Variants in PPP1R1C observed in about 807,000 individuals in gnomAD.
PPP1R1C encodes protein phosphatase 1 regulatory subunit 1C.
A neutral mutation model predicts 17.4 loss-of-function variants in PPP1R1C; 15 were observed. That is an observed-to-expected ratio of 0.86 (90% CI 0.58 to 1.33). The LOEUF is 1.33. PPP1R1C is among the 40% of genes most tolerant of loss of function. The probability of loss-of-function intolerance (pLI) is 0.00; values close to 1 mark genes in which losing one functional copy is unlikely to be tolerated. For missense variants in PPP1R1C, 143 were observed against 130.0 expected (o/e 1.10, Z -0.48); for synonymous variants, 35 against 43.1 (o/e 0.81, Z 0.73).
rs541242622 is a variant in PPP1R1C at position 182,117,209 on chromosome 2, G to A, written c.244G>A (p.Val82Ile). The stretch of plus-strand genomic sequence containing the variant: ...TTGCATAATTTTTATAATTTCAGGG[G>A]TTAAGCATCTGAAAGGCCAGAATGA... ...SVYTPPTIKG[V>I]KHLKGQNESA... is the part of the protein sequence containing the mutation. The change falls in exon 5 of 5, where the codon GTT becomes ATT. Residue 82 changes from valine to isoleucine, a missense_variant and splice_region_variant. By Grantham distance (29) the Val-to-Ile change is conservative. Coordinates refer to ENST00000682840, the MANE Select transcript of PPP1R1C (RefSeq NM_001080545.3). 1.9e-4 allele frequency: 300 copies of A among 1,544,180 alleles called. 3 individuals carry two copies. The South Asian group carries it at 3.0e-3, about 16-fold the overall frequency.
At chr2:182,092,283 C>G (rs932648184) in intron 4 of PPP1R1C, among the ~76,000 whole-genome samples, 38 of 152,190 alleles carry the variant, frequency 2.5e-4, no homozygotes, top group African/African-American at 9.2e-4. Context: ...ATCTGTGAGA[C>G]CCATTCATAA....
At position 181,976,974 on chromosome 2, in the gene PPP1R1C, C is replaced by T. The variant is rs1310357052; in HGVS notation, n.157+1710C>T. Among the ~76,000 whole-genome samples, 1 of 151,304 alleles carries T rather than the reference C, an allele frequency of 6.6e-6. No individual in the cohort carries two copies. The highest frequency in any genetic ancestry group is 1.5e-5 in the Non-Finnish European group (1 of 67,792). On this transcript the variant is annotated intron_variant and non_coding_transcript_variant, in intron 2 of 5. Transcript: ENST00000464264. This position sits in a 1 kb window ranked among gnomAD's most constrained non-coding sequence, Gnocchi z 4.8. ...GCAACATAGCGAGACCCTGTCTCTA[C>T]TAAAAATACAAAAATTAGCTTGGCA...
At chr2:182,050,647 T>C (rs1292140252) in intron 2 of PPP1R1C, among the ~76,000 whole-genome samples, 1 of 152,204 alleles carries the variant, frequency 6.6e-6, no homozygotes, top group Non-Finnish European at 1.5e-5. Context: ...GCCTTGCCTA[T>C]TTATTTGATT....
chr2:182,113,016 T>G (rs1019901084), intron 4 of PPP1R1C, among the ~76,000 whole-genome samples: 1 of 152,198 alleles, frequency 6.6e-6, no homozygotes, highest in Non-Finnish European at 1.5e-5. Context: ...TTTTCAATAG[T>G]ACAGAATATT....
At chr2:181,970,814 C>T (rs1355364673) in intron 1 of PPP1R1C, among the ~76,000 whole-genome samples, 2 of 152,174 alleles carry the variant, frequency 1.3e-5, no homozygotes, top group African/African-American at 4.8e-5. Flanking sequence ...TCTTCCATCT[C>T]CTTTCCACAA....
intron 2 of PPP1R1C, among the ~76,000 whole-genome samples, chr2:182,019,057 A>G (rs552070638): frequency 6.6e-5 from 10 of 152,330 alleles, no homozygotes; most frequent in South Asian, 4.1e-4. Context: ...GCAACATTAC[A>G]TTACTGAGAT....
intron 1 of PPP1R1C, among the ~76,000 whole-genome samples, chr2:181,966,972 G>A (rs746664201): frequency 1.3e-5 from 2 of 152,084 alleles, no homozygotes; most frequent in South Asian, 4.1e-4. Flanking sequence ...TTTTATTATA[G>A]CATTGATCTT....
chr2:182,099,994 A>G (rs1299142477), intron 4 of PPP1R1C, among the ~76,000 whole-genome samples: 1 of 152,210 alleles, frequency 6.6e-6, no homozygotes, highest in Non-Finnish European at 1.5e-5. Context: ...TAACAAAAAA[A>G]AAGTCCCAAA....
At chr2:182,045,690 TA>T (rs1398433989) in intron 2 of PPP1R1C, among the ~76,000 whole-genome samples, 2 of 152,150 alleles carry the variant, frequency 1.3e-5, no homozygotes, top group Non-Finnish European at 2.9e-5. Flanking sequence ...ATAATAGTGA[TA>T]CTCAGATACA....
chr2:182,119,086 G>A (rs1418121593), downstream of PPP1R1C, among the ~76,000 whole-genome samples: 1 of 151,734 alleles, frequency 6.6e-6, no homozygotes, highest in Non-Finnish European at 1.5e-5. Context: ...CCCGGTGTGT[G>A]ATGTTCCCCT....
At chr2:182,015,113 G>T (rs1054961324) in intron 2 of PPP1R1C, among the ~76,000 whole-genome samples, 1 of 152,178 alleles carries the variant, frequency 6.6e-6, no homozygotes, top group Admixed American at 6.5e-5. Context: ...TCTTCTAGCA[G>T]AAGGAGTCCG....
rs1231084698 is a variant in PPP1R1C, at chr2:182,091,485, T to A, written c.242-25722T>A. ...ACAGCTGTTTTTCTTAAAAAAAAAATAATAAAAAAAAAAGGTAAATACACT... is the reference window on the plus strand; with the variant it reads ...ACAGCTGTTTTTCTTAAAAAAAAAAAAATAAAAAAAAAAGGTAAATACACT... On this transcript the variant is annotated intron_variant, in intron 4 of 4. Transcript: ENST00000682840. Among the ~76,000 whole-genome samples the A allele has an allele frequency of 1.1e-3, 133 of 121,998 alleles. 1 individual carries two copies. Among genetic ancestry groups the A allele is most frequent in the African/African-American group, 3.3e-3 (113 of 33,786 alleles). The allele number at this position is 121,998 out of a possible 152,430, so 80.0% of individuals were successfully genotyped here. A position where few individuals can be genotyped will look rare whatever the true frequency, so the allele number is the denominator to read the frequency against.
At chr2:181,980,125 CTG>C (rs372055213) in intron 2 of PPP1R1C, among the ~76,000 whole-genome samples, 1 of 152,208 alleles carries the variant, frequency 6.6e-6, no homozygotes, top group East Asian at 1.9e-4. Flanking sequence ...GTTTGTATCA[CTG>C]TGTCTGTCAT....
At chr2:182,119,891 G>T (rs1689689217), downstream of PPP1R1C, among the ~76,000 whole-genome samples, 1 of 152,150 alleles carries the variant, frequency 6.6e-6, no homozygotes, top group African/African-American at 2.4e-5. Flanking sequence ...CTTTCGCTGT[G>T]CAGAAGGTCT....
chr2:182,110,931 A>G (rs1015738009), intron 4 of PPP1R1C, among the ~76,000 whole-genome samples: 4 of 152,078 alleles, frequency 2.6e-5, no homozygotes, highest in Non-Finnish European at 4.4e-5. Flanking sequence ...AATGGGCACT[A>G]GAGGGGCACA....
At chr2:181,975,392 C>A (rs1278703078) in intron 2 of PPP1R1C, 1 of 151,862 alleles carries the variant, frequency 6.6e-6, no homozygotes, top group Non-Finnish European at 1.5e-5. Context: ...ATATTTTGAA[C>A]ATTTCCTCTG....
At chr2:182,106,264 A>G (rs936046644) in intron 4 of PPP1R1C, among the ~76,000 whole-genome samples, 7 of 152,146 alleles carry the variant, frequency 4.6e-5, no homozygotes, top group Admixed American at 1.3e-4. Flanking sequence ...TCAAGCCCCA[A>G]TGTTGCATTT....
At position 182,002,936 on chromosome 2, in the gene PPP1R1C, C is replaced by T. The variant is rs181830916; in HGVS notation, c.142+15037C>T. Among the ~76,000 whole-genome samples, 105 of 135,626 alleles carry T rather than the reference C, an allele frequency of 7.7e-4. 6 individuals carry two copies. Among genetic ancestry groups the T allele is most frequent in the Non-Finnish European group, 3.0e-4 (19 of 62,712 alleles). 89.0% of individuals were successfully genotyped at this position (135,626 alleles called of 152,430 possible). A position where few individuals can be genotyped will look rare whatever the true frequency, so the allele number is the denominator to read the frequency against. ...AAGAGTGATGCCATAAACCTCCCCC[C>T]CCCCACAACCCTGAAATCCCCCAGA... On this transcript the variant is annotated intron_variant, in intron 2 of 4. Coordinates refer to ENST00000682840, the MANE Select transcript of PPP1R1C (RefSeq NM_001080545.3).
chr2:182,013,474 C>G (rs1296378069), intron 2 of PPP1R1C, among the ~76,000 whole-genome samples: 1 of 151,804 alleles, frequency 6.6e-6, no homozygotes, highest in African/African-American at 2.4e-5. Context: ...TTTCTTTATC[C>G]TTGATCTTTG....
Sources: gnomAD v4.1 joint callset for allele counts (sites outside exome capture counted in the v4.1 genomes callset) on GRCh38, gnomAD v4.1.1 for gene constraint, Gnocchi (gnomAD v3.1) non-coding constraint, MANE v1.5 for transcripts, NCBI Gene and HGNC (gene_info 2026-07-23, HGNC 2026-07-21) for gene names.